The following NSF variants were observed in gnomAD, a reference collection of about 807,000 sequenced individuals.
The protein encoded by NSF is N-ethylmaleimide sensitive factor, vesicle fusing ATPase.
NSF carries 14 observed loss-of-function variants against 50.3 expected under a neutral mutation model. The ratio of observed to expected loss-of-function variants is 0.28; its 90% confidence interval spans 0.18 to 0.44. NSF has a LOEUF of 0.44. NSF is among the 20% of genes least tolerant of loss of function. The pLI is 1.00. For synonymous variants in NSF, 109 were observed against 175.7 expected (o/e 0.62, Z 3.00); for missense variants, 218 against 504.3 (o/e 0.43, Z 5.44).
chr17:46,619,781 A>AC lies in NSF; in HGVS notation c.13-4463_13-4462insC, dbSNP rs1242241202. Among the ~76,000 whole-genome samples the AC allele has an allele frequency of 2.3e-5, 2 of 88,236 alleles. 1 individual carries two copies. Among genetic ancestry groups the AC allele is most frequent in the East Asian group, 1.1e-3 (2 of 1,774 alleles). The allele number at this position is 88,236 out of a possible 152,430, so 57.9% of individuals were successfully genotyped here. A position where few individuals can be genotyped will look rare whatever the true frequency, so the allele number is the denominator to read the frequency against. Reference sequence around the variant, plus strand: ...AGCAAGACTCCATCTAAAAAAAAAAAAAAAAAAAAAAAAAACCCAGAAAGT... The same window carrying AC: ...AGCAAGACTCCATCTAAAAAAAAAAACAAAAAAAAAAAAAAACCCAGAAAGT... On this transcript the variant is annotated intron_variant, in intron 1 of 20. Coordinates refer to ENST00000398238, the MANE Select transcript of NSF (RefSeq NM_006178.4).
chr17:46,649,581 TATA>T (rs1477528660), intron 8 of NSF, among the ~76,000 whole-genome samples: 2 of 150,566 alleles, frequency 1.3e-5, no homozygotes, highest in Non-Finnish European at 2.9e-5. Context: ...AGTTGGTGAT[TATA>T]ATGAGGGTGG....
intron 11 of NSF, among the ~76,000 whole-genome samples, 180 bp from the exon 12 acceptor site, chr17:46,694,295 G>C (rs1166686883): frequency 1.4e-5 from 2 of 138,978 alleles, no homozygotes; most frequent in Non-Finnish European, 3.0e-5. Context: ...GCTGAGATAG[G>C]AGAATCGCCT....
intron 17 of NSF, among the ~76,000 whole-genome samples, chr17:46,741,472 A>G (rs1359779150): frequency 6.6e-6 from 1 of 152,228 alleles, no homozygotes; most frequent in Non-Finnish European, 1.5e-5. Context: ...GAAGTAGACT[A>G]AGAATTTGCT....
intron 8 of NSF, among the ~76,000 whole-genome samples, chr17:46,661,383 T>TATC (rs1440450747): frequency 1.1e-5 from 1 of 94,498 alleles, no homozygotes; most frequent in Non-Finnish European, 1.8e-5. Context: ...TTCTTTTTAT[T>TATC]ATTATTATTA....
At chr17:46,720,912 A>T (rs969498939) in intron 15 of NSF, among the ~76,000 whole-genome samples, 1 of 152,284 alleles carries the variant, frequency 6.6e-6, no homozygotes, top group African/African-American at 2.4e-5. Context: ...AAAGGCTGGG[A>T]TTAATGGAAC....
rs529221896 is a variant in NSF at position 46,751,572 on chromosome 17, A to G, written c.2113A>G (p.Ile705Val). 1.9e-6 allele frequency: 3 copies of G among 1,614,124 alleles called. No individual in the cohort carries two copies. The highest frequency in any genetic ancestry group is 1.1e-5 in the South Asian group (1 of 91,050). Residue 705 changes from isoleucine (I) to valine (V), a missense_variant, in exon 19 of 21, where the codon ATA (isoleucine) becomes GTA (valine). Physicochemically the swap from Ile to Val is conservative, Grantham distance 29. Transcript: ENST00000398238. ...AQQVKGKKVW[I>V]GIKKLLMLIE... ...GCAAGTCAAAGGGAAGAAGGTCTGG[A>G]TAGGAATCAAGAAGTTACTAATGCT...
chr17:46,679,527 T>TA (rs777878696), intron 9 of NSF, among the ~76,000 whole-genome samples: 81 of 127,940 alleles, frequency 6.3e-4, no homozygotes, highest in Non-Finnish European at 9.1e-4. Context: ...CCATCTCTAC[T>TA]AAAAAAATAC....
intron 8 of NSF, among the ~76,000 whole-genome samples, chr17:46,657,353 A>G (rs2058267620): frequency 6.6e-6 from 1 of 151,944 alleles, no homozygotes; most frequent in Non-Finnish European, 1.5e-5. Flanking sequence ...AAATAGAAAT[A>G]TAAAAAATAT....
intron 1 of NSF, among the ~76,000 whole-genome samples, chr17:46,621,387 C>T (rs1184270894): frequency 7.7e-6 from 1 of 130,540 alleles, no homozygotes; most frequent in Non-Finnish European, 1.6e-5. Context: ...CCCGGGCTCA[C>T]GCCTTTCTCC....
chr17:46,750,373 C>T (rs778531363), intron 18 of NSF, among the ~76,000 whole-genome samples: 1 of 152,072 alleles, frequency 6.6e-6, no homozygotes, highest in Admixed American at 6.6e-5. Context: ...TGCCTAGGAC[C>T]AGAAGTGTTT....
intron 15 of NSF, among the ~76,000 whole-genome samples, chr17:46,716,463 T>C (rs1478882636): frequency 6.6e-6 from 1 of 152,162 alleles, no homozygotes; most frequent in Non-Finnish European, 1.5e-5. Flanking sequence ...TTCACCGTGT[T>C]AGCCAGGATG....
At chr17:46,721,525 T>C in intron 15 of NSF, 1 of 1,072,636 alleles carries the variant, frequency 9.3e-7, no homozygotes. Context: ...CTGGGCTGAC[T>C]ATACATTCTT....
intron 1 of NSF, among the ~76,000 whole-genome samples, chr17:46,611,651 TG>T (rs1370002321): frequency 6.8e-6 from 1 of 146,568 alleles, no homozygotes; most frequent in Non-Finnish European, 1.5e-5. Flanking sequence ...CAAATGTTGC[TG>T]GGGCAACTGG....
chr17:46,709,397 G>C (rs2058695390), intron 13 of NSF, among the ~76,000 whole-genome samples: 1 of 152,018 alleles, frequency 6.6e-6, no homozygotes, highest in Non-Finnish European at 1.5e-5. Context: ...ATATATCTTG[G>C]GAGAGTCACT....
intron 10 of NSF, among the ~76,000 whole-genome samples, chr17:46,693,433 C>CCCTACATCACT (rs2058565532): frequency 6.6e-6 from 1 of 151,608 alleles, no homozygotes; most frequent in African/African-American, 2.4e-5. Context: ...CCAGGGAGTG[C>CCCTACATCACT]GTTTCAGATC....
intron 17 of NSF, among the ~76,000 whole-genome samples, chr17:46,744,222 T>TAG (rs2059106098): frequency 6.6e-6 from 1 of 152,254 alleles, no homozygotes; most frequent in South Asian, 2.1e-4. Flanking sequence ...CTCATAATTC[T>TAG]ATTAAGTACC....
intron 2 of NSF, among the ~76,000 whole-genome samples, chr17:46,626,061 A>G (rs1317895128): frequency 1.4e-5 from 2 of 146,452 alleles, no homozygotes; most frequent in East Asian, 2.1e-4. Flanking sequence ...TAAAACAGTA[A>G]ATATTGATAT....
chr17:46,755,594 A>G, intron 20 of NSF: 1 of 693,818 alleles, frequency 1.4e-6, no homozygotes, highest in Non-Finnish European at 2.4e-6. Context: ...GGAAAAACTT[A>G]ATGGTACATA....
chr17:46,730,506 C>T (rs1016077756), intron 17 of NSF, among the ~76,000 whole-genome samples: 4 of 152,218 alleles, frequency 2.6e-5, no homozygotes, highest in African/African-American at 7.2e-5. Flanking sequence ...AAACTATTAA[C>T]GAATGATCTG....
Sources: gnomAD v4.1 joint callset for allele counts (sites outside exome capture counted in the v4.1 genomes callset) on GRCh38, gnomAD v4.1.1 for gene constraint, MANE v1.5 for transcripts, NCBI Gene and HGNC (gene_info 2026-07-23, HGNC 2026-07-21) for gene names.